Variants in NEDD9 observed in about 807,000 individuals in gnomAD.
The protein encoded by NEDD9 is enhancer of filamentation 1.
A neutral mutation model predicts 76.6 loss-of-function variants in NEDD9; 26 were observed. That is an observed-to-expected ratio of 0.34 (90% CI 0.25 to 0.47). The LOEUF (loss-of-function observed/expected upper bound fraction) is 0.47. Ranked by LOEUF, NEDD9 falls within the 20% of genes least tolerant of loss-of-function variation. The pLI, the probability that NEDD9 is intolerant of heterozygous loss-of-function variation, is 1.00. For synonymous variants in NEDD9, 392 were observed against 414.2 expected, an observed-to-expected ratio of 0.95 and a Z score of 0.65; for missense variants, 937 against 1,058.5, an observed-to-expected ratio of 0.89 and a Z score of 1.59.
At chr6:11,328,065 G>A (rs1397469656) in intron 2 of NEDD9, among the ~76,000 whole-genome samples, 1 of 152,216 alleles carries the variant, frequency 6.6e-6, no homozygotes, top group East Asian at 1.9e-4. Context: ...TAAAGAACAG[G>A]CCTGCTGCCT....
intron 2 of NEDD9, among the ~76,000 whole-genome samples, chr6:11,205,489 T>C (rs1472242884): frequency 2.6e-5 from 4 of 152,214 alleles, no homozygotes. Flanking sequence ...AACCAAGTAT[T>C]ACAAAAATTA....
At chr6:11,215,716 G>T (rs148958488) in intron 1 of NEDD9, among the ~76,000 whole-genome samples, 116 of 152,294 alleles carry the variant, frequency 7.6e-4, no homozygotes, top group Admixed American at 1.9e-3. Context: ...TCAGCAATCG[G>T]GAAGCCCCCA....
chr6:11,331,814 C>T (rs187909231), intron 2 of NEDD9, among the ~76,000 whole-genome samples: 32 of 152,270 alleles, frequency 2.1e-4, no homozygotes, highest in Admixed American at 3.9e-4. Context: ...GCAGCTTTTA[C>T]GGGTTGGTGC....
At chr6:11,331,198 A>G (rs1344682180) in intron 2 of NEDD9, among the ~76,000 whole-genome samples, 1 of 152,232 alleles carries the variant, frequency 6.6e-6, no homozygotes, top group Non-Finnish European at 1.5e-5. Context: ...GATCTCAAAC[A>G]GTGAGTTCAC....
intron 1 of NEDD9, among the ~76,000 whole-genome samples, chr6:11,218,305 T>C (rs1047897652): frequency 2.6e-5 from 4 of 151,920 alleles, no homozygotes; most frequent in Admixed American, 6.6e-5. Flanking sequence ...GGGGCCCTGC[T>C]TTCCACCTCA....
chr6:11,315,151 C>CA (rs1377010825), intron 2 of NEDD9, among the ~76,000 whole-genome samples: 1 of 152,198 alleles, frequency 6.6e-6, no homozygotes, highest in African/African-American at 2.4e-5. Context: ...GTAGAAACTA[C>CA]AGAATCACTG....
At chr6:11,200,994 T>G (rs769999795) in intron 2 of NEDD9, 1 of 1,614,250 alleles carries the variant, frequency 6.2e-7, no homozygotes, top group Admixed American at 1.7e-5. Flanking sequence ...CAAGCTGGTT[T>G]GTTTAGAGGC....
intron 1 of NEDD9, among the ~76,000 whole-genome samples, chr6:11,220,735 C>A (rs1241471238): frequency 6.6e-6 from 1 of 152,198 alleles, no homozygotes; most frequent in Non-Finnish European, 1.5e-5. Flanking sequence ...AAATCTCTCT[C>A]TGACCAGATT....
intron 2 of NEDD9, among the ~76,000 whole-genome samples, chr6:11,333,194 A>C (rs1372802256): frequency 1.3e-5 from 2 of 152,144 alleles, no homozygotes; most frequent in Non-Finnish European, 2.9e-5. Flanking sequence ...AAGAAAGTGA[A>C]ATATATTGGG....
intron 3 of NEDD9, among the ~76,000 whole-genome samples, chr6:11,253,312 G>GA (rs781179367): frequency 6.6e-6 from 1 of 152,206 alleles, no homozygotes; most frequent in Non-Finnish European, 1.5e-5. Flanking sequence ...CCGCTTGTAG[G>GA]AATCTGGCCT....
At position 11,184,979 on chromosome 6, in the gene NEDD9, A is replaced by C. The variant is rs369140781; in HGVS notation, c.*183T>G. On this transcript the variant is annotated 3_prime_UTR_variant, in exon 7 of 7. Coordinates refer to ENST00000379446, the MANE Select transcript of NEDD9 (RefSeq NM_006403.4). ...TATACATAAGAACCACTCAGGGGGA[A>C]AAAAAAAGATTTCCCTCTCCAGCTC... 260 of 754,402 alleles carry C rather than the reference A, an allele frequency of 3.4e-4. 7 individuals are homozygous for C. The South Asian group carries it at 5.3e-3, about 15-fold the overall frequency. 46.7% of individuals were successfully genotyped at this position (754,402 alleles called of 1,614,324 possible).
At chr6:11,308,361 C>CTTTTTTTTT (rs933892327) in intron 2 of NEDD9, among the ~76,000 whole-genome samples, 6 of 87,852 alleles carry the variant, frequency 6.8e-5, no homozygotes, top group Admixed American at 1.3e-4. Context: ...GATGGGACAT[C>CTTTTTTTTT]TTTTTTTTTT....
chr6:11,313,955 T>A (rs1185579592), intron 2 of NEDD9, among the ~76,000 whole-genome samples: 4 of 152,354 alleles, frequency 2.6e-5, no homozygotes, highest in African/African-American at 9.6e-5. Context: ...TTAAAACATA[T>A]GGATTTGGAG....
At chr6:11,189,640 C>T (rs1758077443) in intron 5 of NEDD9, among the ~76,000 whole-genome samples, 1 of 152,090 alleles carries the variant, frequency 6.6e-6, no homozygotes, top group South Asian at 2.1e-4. Flanking sequence ...GGTGAGTCTC[C>T]TCTTACCTGA....
At chr6:11,245,890 G>A (rs1026202925) in intron 3 of NEDD9, among the ~76,000 whole-genome samples, 1 of 151,744 alleles carries the variant, frequency 6.6e-6, no homozygotes, top group Non-Finnish European at 1.5e-5. Context: ...GCCATAAGAT[G>A]GAATAAGTCT....
chr6:11,188,192 G>C (rs1265541403), intron 6 of NEDD9, 26 bp downstream of exon 6: 3 of 1,563,208 alleles, frequency 1.9e-6, no homozygotes, highest in Middle Eastern at 1.7e-4. Context: ...CCAATGCCAA[G>C]CAGTTTTTGC....
chr6:11,220,182 A>G (rs1223917386), intron 1 of NEDD9, among the ~76,000 whole-genome samples: 1 of 152,150 alleles, frequency 6.6e-6, no homozygotes. Flanking sequence ...CCCACTGCTG[A>G]GAGGTGTTCA....
intron 1 of NEDD9, among the ~76,000 whole-genome samples, chr6:11,342,640 A>T (rs1307468562): frequency 6.6e-6 from 1 of 152,240 alleles, no homozygotes; most frequent in African/African-American, 2.4e-5. Flanking sequence ...AAGATTCATC[A>T]CAAGCAGATC....
intron 4 of NEDD9, 37 bp from the exon 5 acceptor site, chr6:11,191,242 A>C (rs1409513433): frequency 6.5e-7 from 1 of 1,534,280 alleles, no homozygotes; most frequent in Admixed American, 2.0e-5. Context: ...CTATTTATTG[A>C]GTTGGCTCAT....
Sources: gnomAD v4.1 joint callset for allele counts (sites outside exome capture counted in the v4.1 genomes callset) on GRCh38, gnomAD v4.1.1 for gene constraint, MANE v1.5 for transcripts, NCBI Gene and HGNC (gene_info 2026-07-23, HGNC 2026-07-21) for gene names.